KLRG1: variants seen among roughly 807,000 people sequenced by gnomAD.
KLRG1 encodes killer cell lectin-like receptor subfamily G member 1.
KLRG1 carries 16 observed loss-of-function variants against 21.8 expected under a neutral mutation model. The observed-to-expected ratio is 0.73, with a 90% CI of 0.50 to 1.11. The LOEUF is 1.11. KLRG1 is among the 50% of genes most tolerant of loss of function. The probability of loss-of-function intolerance (pLI) is 0.00; values close to 1 mark genes in which losing one functional copy is unlikely to be tolerated. For missense variants in KLRG1, 173 were observed against 218.3 expected (o/e 0.79, Z 1.31); for synonymous variants, 69 against 75.9 (o/e 0.91, Z 0.47).
intron 1 of KLRG1, among the ~76,000 whole-genome samples, chr12:8,969,408 G>T (rs1946532043): frequency 6.6e-6 from 1 of 152,198 alleles, no homozygotes; most frequent in Admixed American, 6.5e-5. Flanking sequence ...AGTTCTGGGG[G>T]AAGAGCCCAG....
the KLRG1 span, among the ~76,000 whole-genome samples, chr12:9,146,781 C>T: frequency 5.9e-5 from 9 of 152,124 alleles, no homozygotes; most frequent in African/African-American, 2.2e-4. Flanking sequence ...ATAGTGTTCA[C>T]CACTTCAAAT....
the KLRG1 span, among the ~76,000 whole-genome samples, chr12:9,050,811 G>T: frequency 1.3e-5 from 2 of 152,226 alleles, no homozygotes; most frequent in African/African-American, 4.8e-5. Context: ...TCTGCAGTGT[G>T]CACCCTCATG....
rs1490539958 is a variant in KLRG1 at position 9,010,703 on chromosome 12, C to T, written c.*1166C>T. The T allele has an allele frequency of 6.6e-6, 1 of 152,030 alleles. No individual in the cohort carries two copies. Among genetic ancestry groups the T allele is most frequent in the African/African-American group, 2.4e-5 (1 of 41,376 alleles). The allele number at this position is 152,030 out of a possible 1,614,324, so 9.4% of individuals were successfully genotyped here. ...TATATCCCAAATACCTAAGATAGTG[C>T]TTACGTTCAGTGACTATTAAATAAA... On this transcript the variant is annotated 3_prime_UTR_variant, in exon 5 of 5. Coordinates refer to ENST00000356986, the MANE Select transcript of KLRG1 (RefSeq NM_005810.4).
the KLRG1 span, among the ~76,000 whole-genome samples, chr12:9,050,873 C>T: frequency 1.5e-3 from 235 of 152,354 alleles, 1 homozygote; most frequent in Middle Eastern, 0.01. Context: ...GGGGTGTCTG[C>T]TTCCACTGCC....
chr12:9,161,481 C>T, the KLRG1 span, among the ~76,000 whole-genome samples: 3 of 152,160 alleles, frequency 2.0e-5, no homozygotes, highest in Non-Finnish European at 2.9e-5. Context: ...GTGTGACTTC[C>T]AGAGTCCTTC....
the KLRG1 span, among the ~76,000 whole-genome samples, chr12:9,045,444 C>T: frequency 6.6e-6 from 1 of 152,010 alleles, no homozygotes; most frequent in African/African-American, 2.4e-5. Flanking sequence ...GTTTCTTTTA[C>T]CCAATATATA....
chr12:9,166,218 A>AT, the KLRG1 span: 135 of 1,607,098 alleles, frequency 8.4e-5, no homozygotes, highest in Middle Eastern at 1.7e-4. Context: ...GTAAGAGAAA[A>AT]TTGTCTAGTT....
chr12:9,115,944 T>C, the KLRG1 span: 3 of 979,402 alleles, frequency 3.1e-6, no homozygotes, highest in Non-Finnish European at 4.9e-6. Flanking sequence ...GCAACTGGGC[T>C]TTATGCTGCT....
the KLRG1 span, among the ~76,000 whole-genome samples, chr12:9,024,463 T>G: frequency 5.9e-5 from 9 of 152,242 alleles, no homozygotes. Context: ...ACTTTGTTTT[T>G]CTTTTTAAAA....
intron 3 of KLRG1, among the ~76,000 whole-genome samples, chr12:9,006,126 A>G (rs1947464875): frequency 6.6e-6 from 1 of 152,132 alleles, no homozygotes; most frequent in Non-Finnish European, 1.5e-5. Flanking sequence ...TAAATGTTTG[A>G]AGTGATAGGC....
the KLRG1 span, among the ~76,000 whole-genome samples, chr12:9,155,030 A>C: frequency 4.6e-5 from 7 of 152,190 alleles, no homozygotes; most frequent in African/African-American, 1.7e-4. Flanking sequence ...CTGTGGTACG[A>C]AGGTAGGGTA....
chr12:9,073,473 TCAA>T, the KLRG1 span, among the ~76,000 whole-genome samples: 14 of 152,372 alleles, frequency 9.2e-5, no homozygotes, highest in South Asian at 2.5e-3. Flanking sequence ...GTATGTATCC[TCAA>T]CAACATTAAA....
At chr12:8,972,218 C>T (rs918455872) in intron 1 of KLRG1, among the ~76,000 whole-genome samples, 3 of 152,070 alleles carry the variant, frequency 2.0e-5, no homozygotes, top group Admixed American at 6.6e-5. Flanking sequence ...AGTGCAGTGG[C>T]GCAATCTCAG....
At chr12:9,024,997 T>G in the KLRG1 span, among the ~76,000 whole-genome samples, 2 of 151,914 alleles carry the variant, frequency 1.3e-5, no homozygotes, top group Non-Finnish European at 2.9e-5. Flanking sequence ...GAAGAAGTGG[T>G]TTTCAAGGGG....
At chr12:9,125,394 C>T in the KLRG1 span, among the ~76,000 whole-genome samples, 1 of 152,076 alleles carries the variant, frequency 6.6e-6, no homozygotes, top group African/African-American at 2.4e-5. Flanking sequence ...TGTCGCCAGC[C>T]GCAGAAGTTT....
the KLRG1 span, among the ~76,000 whole-genome samples, chr12:9,091,825 A>C: frequency 6.6e-6 from 1 of 152,226 alleles, no homozygotes; most frequent in African/African-American, 2.4e-5. Context: ...GATCTCTTAC[A>C]GGCAATCTGT....
At chr12:9,104,010 C>T in the KLRG1 span, among the ~76,000 whole-genome samples, 7 of 152,248 alleles carry the variant, frequency 4.6e-5, no homozygotes, top group Non-Finnish European at 1.0e-4. Context: ...ATAGTGGCTC[C>T]GCCATTTTAC....
the KLRG1 span, among the ~76,000 whole-genome samples, chr12:9,018,961 CA>C: frequency 1.3e-5 from 2 of 151,970 alleles, no homozygotes; most frequent in African/African-American, 4.8e-5. Flanking sequence ...TTCTACCCAG[CA>C]AAGGAAACAA....
chr12:9,057,144 A>G, the KLRG1 span, among the ~76,000 whole-genome samples: 888 of 152,324 alleles, frequency 5.8e-3, 8 homozygotes, highest in African/African-American at 0.02. Context: ...ATGGAGACAG[A>G]TTAAACTGAA....
Sources: allele counts gnomAD v4.1 joint callset (sites outside exome capture counted in the v4.1 genomes callset), GRCh38; gene constraint gnomAD v4.1.1; transcripts MANE v1.5; gene names NCBI Gene and HGNC (gene_info 2026-07-23, HGNC 2026-07-21).